L3MBTL4: variants seen among roughly 807,000 people sequenced by gnomAD.
L3MBTL4 encodes L3MBTL histone methyl-lysine binding protein 4, also known as lethal(3)malignant brain tumor-like protein 4.
In L3MBTL4, 70 loss-of-function variants were observed where a neutral mutation model predicts 84.5. That is an observed-to-expected ratio of 0.83 (90% confidence interval 0.68 to 1.01). The LOEUF is 1.01. Ranked by LOEUF, L3MBTL4 falls within the 50% of genes least tolerant of loss-of-function variation. The pLI is 0.00. For synonymous variants in L3MBTL4, 274 were observed against 259.8 expected (o/e 1.05, Z -0.52); for missense variants, 715 against 754.8 (o/e 0.95, Z 0.62).
intron 14 of L3MBTL4, among the ~76,000 whole-genome samples, chr18:6,116,578 G>A (rs2059368342): frequency 6.6e-6 from 1 of 151,902 alleles, no homozygotes; most frequent in African/African-American, 2.4e-5. Context: ...TGGTCAGGCT[G>A]GTCTCAAACT....
chr18:6,021,599 T>G (rs11081225), intron 16 of L3MBTL4, among the ~76,000 whole-genome samples: 122,095 of 152,152 alleles, frequency 0.8, 49,365 homozygotes, highest in Admixed American at 0.85. Context: ...CTGCATGGAA[T>G]TGACTAAATA....
chr18:6,305,578 A>G (rs2050548333), intron 3 of L3MBTL4, among the ~76,000 whole-genome samples: 1 of 152,246 alleles, frequency 6.6e-6, no homozygotes, highest in Admixed American at 6.5e-5. Flanking sequence ...GCGATTTCTC[A>G]GGTTTCAAAC....
chr18:6,185,056 T>C (rs2044657490), intron 12 of L3MBTL4, among the ~76,000 whole-genome samples: 1 of 152,202 alleles, frequency 6.6e-6, no homozygotes, highest in Non-Finnish European at 1.5e-5. Flanking sequence ...TTGGTTAATT[T>C]TGTTGTTGAA....
At chr18:6,387,529 T>C (rs1274678380) in intron 1 of L3MBTL4, among the ~76,000 whole-genome samples, 1 of 152,224 alleles carries the variant, frequency 6.6e-6, no homozygotes, top group Non-Finnish European at 1.5e-5. Context: ...CATTTGGCAT[T>C]CTTTAATGGA....
At chr18:6,300,833 A>G (rs1019811965) in intron 4 of L3MBTL4, among the ~76,000 whole-genome samples, 24 of 152,198 alleles carry the variant, frequency 1.6e-4, no homozygotes, top group African/African-American at 5.5e-4. Flanking sequence ...GTACAGTCCA[A>G]TTCATTTCTA....
chr18:5,996,431 T>A (rs2053969853), intron 16 of L3MBTL4, among the ~76,000 whole-genome samples: 1 of 152,134 alleles, frequency 6.6e-6, no homozygotes, highest in African/African-American at 2.4e-5. Context: ...TACGTTTTTG[T>A]TTTTGTTTTT....
intron 10 of L3MBTL4, among the ~76,000 whole-genome samples, chr18:6,223,137 T>G (rs2046631574): frequency 6.6e-6 from 1 of 152,046 alleles, no homozygotes; most frequent in Admixed American, 6.6e-5. Context: ...AAAAACCAAC[T>G]GTGTTATTTC....
At chr18:5,976,453 C>G (rs1167124387) in intron 16 of L3MBTL4, among the ~76,000 whole-genome samples, 2 of 152,164 alleles carry the variant, frequency 1.3e-5, no homozygotes, top group Non-Finnish European at 2.9e-5. Context: ...CCAGACCCAC[C>G]CTGGGTGCAG....
intron 4 of L3MBTL4, among the ~76,000 whole-genome samples, chr18:6,271,814 G>C (rs2048884366): frequency 6.6e-6 from 1 of 152,126 alleles, no homozygotes; most frequent in African/African-American, 2.4e-5. Flanking sequence ...GTTTTCACGG[G>C]GCAGGGAGAT....
intron 14 of L3MBTL4, among the ~76,000 whole-genome samples, chr18:6,130,760 G>A (rs1340078737): frequency 6.6e-6 from 1 of 152,064 alleles, no homozygotes; most frequent in African/African-American, 2.4e-5. Flanking sequence ...TCCCAATATT[G>A]TCATCTTTAA....
intron 3 of L3MBTL4, among the ~76,000 whole-genome samples, chr18:6,311,129 TC>T (rs1314969062): frequency 4.6e-5 from 7 of 151,998 alleles, no homozygotes; most frequent in African/African-American, 1.7e-4. Context: ...TCTCTCTCTC[TC>T]TCACCCTCTC....
At chr18:6,019,968 T>G (rs770623980) in intron 16 of L3MBTL4, among the ~76,000 whole-genome samples, 22 of 152,218 alleles carry the variant, frequency 1.4e-4, no homozygotes, top group Non-Finnish European at 3.1e-4. Context: ...GGGTGCATCA[T>G]TTATTCGGAA....
chr18:6,030,012 G>A, intron 16 of L3MBTL4: 1 of 985,430 alleles, frequency 1.0e-6, no homozygotes, highest in Non-Finnish European at 1.2e-6. Flanking sequence ...ATGGCCATGG[G>A]CAGGGACTGG....
chr18:5,990,868 G>A (rs2053665495), intron 16 of L3MBTL4, among the ~76,000 whole-genome samples: 1 of 151,814 alleles, frequency 6.6e-6, no homozygotes, highest in African/African-American at 2.4e-5. Context: ...CAGCAGTAAG[G>A]GATGGTCGTG....
intron 13 of L3MBTL4, among the ~76,000 whole-genome samples, chr18:6,146,461 A>C (rs529582317): frequency 6.6e-6 from 1 of 152,238 alleles, no homozygotes; most frequent in East Asian, 1.9e-4. Flanking sequence ...GCTACGAGGA[A>C]GCTGCGGAGA....
intron 16 of L3MBTL4, among the ~76,000 whole-genome samples, chr18:6,027,071 C>A (rs2055541321): frequency 6.6e-6 from 1 of 152,100 alleles, no homozygotes; most frequent in Non-Finnish European, 1.5e-5. Flanking sequence ...GCAGAACGTG[C>A]AGGTTTTTAC....
chr18:5,956,182 C>A lies in L3MBTL4; in HGVS notation c.*38G>T, dbSNP rs765460340. On this transcript the variant is annotated 3_prime_UTR_variant, in exon 19 of 19. Transcript: ENST00000317931. ...TGCTCCACTTTTATTGCTGAAAGAG[C>A]GCAGGTCTTGGTGCCAGAGGAAGTT... 5 of 1,566,196 alleles carry A rather than the reference C, an allele frequency of 3.2e-6. No individual in the cohort carries two copies. In the African/African-American group the frequency reaches 6.8e-5, roughly 21 times the overall value.
intron 1 of L3MBTL4, among the ~76,000 whole-genome samples, chr18:6,402,608 A>G (rs2055558708): frequency 6.6e-6 from 1 of 152,150 alleles, no homozygotes; most frequent in Non-Finnish European, 1.5e-5. Flanking sequence ...CATACAGAAC[A>G]AGGTTTGAAC....
intron 1 of L3MBTL4, among the ~76,000 whole-genome samples, chr18:6,375,739 C>G (rs778663422): frequency 3.2e-4 from 48 of 151,874 alleles, no homozygotes; most frequent in Non-Finnish European, 5.1e-4. Flanking sequence ...AGAGAAGAAC[C>G]CAAAAAGAAT....
Sources: gnomAD v4.1 joint callset for allele counts (sites outside exome capture counted in the v4.1 genomes callset) on GRCh38, gnomAD v4.1.1 for gene constraint, MANE v1.5 for transcripts, NCBI Gene and HGNC (gene_info 2026-07-23, HGNC 2026-07-21) for gene names.